Variants in GLRA3 observed in about 807,000 individuals in gnomAD.
The protein encoded by GLRA3 is glycine receptor subunit alpha-3.
Under a neutral mutation model 60.4 loss-of-function variants are expected in GLRA3, and 44 were observed. The ratio of observed to expected loss-of-function variants is 0.73; its 90% CI spans 0.57 to 0.94. GLRA3 has a LOEUF of 0.94. GLRA3 is among the 40% of genes least tolerant of loss of function. The pLI, the probability that GLRA3 is intolerant of heterozygous loss-of-function variation, is 0.00. For missense variants in GLRA3, 508 were observed against 564.6 expected (o/e 0.90, Z 1.02); for synonymous variants, 223 against 192.9 (o/e 1.16, Z -1.29).
At position 174,828,866 on chromosome 4, in the gene GLRA3, C is replaced by G. The variant is rs977471103; in HGVS notation, c.-55G>C. 1 of 1,156,248 alleles carries G rather than the reference C, an allele frequency of 8.6e-7. No individual in the cohort carries two copies. Among genetic ancestry groups the G allele is most frequent in the Non-Finnish European group, 1.3e-6 (1 of 762,142 alleles). The allele number at this position is 1,156,248 out of a possible 1,614,324, so 71.6% of individuals were successfully genotyped here. A position where few individuals can be genotyped will look rare whatever the true frequency, so the allele number is the denominator to read the frequency against. ...ATAGTCTTATCCAAGGCATGGGGAA[C>G]CAGAAAGACAGAATGAAAATGTACA... is the stretch of plus-strand genomic sequence containing the variant. On this transcript the variant is annotated 5_prime_UTR_variant, in exon 1 of 10. Coordinates refer to ENST00000274093, the MANE Select transcript of GLRA3 (RefSeq NM_006529.4).
chr4:174,688,361 ATATATAT>A (rs1734638303), intron 5 of GLRA3, among the ~76,000 whole-genome samples: 3 of 105,484 alleles, frequency 2.8e-5, no homozygotes, highest in Admixed American at 2.0e-4. Context: ...ATATATATAT[ATATATAT>A]TCATCAGGTT....
intron 1 of GLRA3, among the ~76,000 whole-genome samples, chr4:174,817,290 C>G (rs1038302373): frequency 6.6e-6 from 1 of 152,200 alleles, no homozygotes; most frequent in Non-Finnish European, 1.5e-5. Flanking sequence ...TATCTTCGAT[C>G]TCAAAGAAGC....
rs1225115129 is a variant in GLRA3 at position 174,639,167 on chromosome 4, G to C, written c.*4619C>G. On this transcript the variant is annotated 3_prime_UTR_variant, in exon 10 of 10. Transcript: ENST00000274093. ...TGTTAAGGGTTAAAGACTTGATCCA[G>C]TTAGCTTTGTTTATGTGTTTTTGAG... 1 of 152,142 alleles carries C rather than the reference G, an allele frequency of 6.6e-6. No homozygotes were observed. The highest frequency in any genetic ancestry group is 1.5e-5 in the Non-Finnish European group (1 of 68,006). The allele number at this position is 152,142 out of a possible 1,614,324, so 9.4% of individuals were successfully genotyped here. A position where few individuals can be genotyped will look rare whatever the true frequency, so the allele number is the denominator to read the frequency against.
chr4:174,712,693 T>G (rs1579490339), intron 5 of GLRA3: 1 of 152,162 alleles, frequency 6.6e-6, no homozygotes, highest in Non-Finnish European at 1.5e-5. Context: ...AAGTGGACCC[T>G]GGGATTCTGA....
intron 5 of GLRA3, among the ~76,000 whole-genome samples, chr4:174,684,842 T>C (rs899292073): frequency 1.1e-4 from 17 of 152,092 alleles, no homozygotes; most frequent in African/African-American, 3.9e-4. Flanking sequence ...AGCCCGTTTC[T>C]ACTAAAAAAC....
intron 2 of GLRA3, among the ~76,000 whole-genome samples, chr4:174,770,064 C>T (rs1215329256): frequency 2.0e-5 from 3 of 152,056 alleles, no homozygotes; most frequent in African/African-American, 7.2e-5. Context: ...TTTGAAGTTG[C>T]AATTTACATT....
At chr4:174,708,602 T>C (rs1413437402) in intron 5 of GLRA3, among the ~76,000 whole-genome samples, 2 of 91,380 alleles carry the variant, frequency 2.2e-5, no homozygotes, top group Admixed American at 2.0e-4. Flanking sequence ...ACTTTTACTC[T>C]TTTTTTTTTT....
chr4:174,727,952 A>C (rs1327458818), intron 4 of GLRA3, among the ~76,000 whole-genome samples: 1 of 152,186 alleles, frequency 6.6e-6, no homozygotes, highest in African/African-American at 2.4e-5. Context: ...AAGTTTATTA[A>C]CAAATCATCA....
At chr4:174,814,066 G>T (rs927238710) in intron 1 of GLRA3, among the ~76,000 whole-genome samples, 1 of 152,144 alleles carries the variant, frequency 6.6e-6, no homozygotes, top group Non-Finnish European at 1.5e-5. Context: ...ATCAAGGGGG[G>T]GTATCCATGA....
At chr4:174,654,097 A>G (rs1250617499) in intron 9 of GLRA3, among the ~76,000 whole-genome samples, 2 of 152,144 alleles carry the variant, frequency 1.3e-5, no homozygotes, top group Non-Finnish European at 2.9e-5. Flanking sequence ...GAAACACTTT[A>G]TCTATTTAAA....
intron 3 of GLRA3, among the ~76,000 whole-genome samples, chr4:174,742,401 T>G (rs1737063873): frequency 6.6e-6 from 1 of 152,192 alleles, no homozygotes; most frequent in African/African-American, 2.4e-5. Context: ...ACTCTGGTAC[T>G]AAAATTGTCA....
chr4:174,645,621 A>T (rs1052427547), intron 9 of GLRA3, among the ~76,000 whole-genome samples: 31 of 152,152 alleles, frequency 2.0e-4, no homozygotes, highest in Non-Finnish European at 3.5e-4. Flanking sequence ...CTGCAAAACA[A>T]AAGTATATGA....
chr4:174,700,134 GT>G (rs1212009758), intron 5 of GLRA3, among the ~76,000 whole-genome samples: 26 of 152,178 alleles, frequency 1.7e-4, no homozygotes, highest in African/African-American at 6.0e-4. Flanking sequence ...AGAAGATGAA[GT>G]TTTAATCACA....
At chr4:174,752,080 G>A (rs532010692) in intron 3 of GLRA3, among the ~76,000 whole-genome samples, 1 of 152,194 alleles carries the variant, frequency 6.6e-6, no homozygotes, top group South Asian at 2.1e-4. Context: ...GTGCATGGAT[G>A]AGGAATAGCA....
chr4:174,790,932 A>T (rs1739320712), intron 1 of GLRA3, among the ~76,000 whole-genome samples: 2 of 145,816 alleles, frequency 1.4e-5, no homozygotes, highest in Admixed American at 7.0e-5. Flanking sequence ...TGAACCTGGG[A>T]GGTGGGGCTT....
intron 3 of GLRA3, among the ~76,000 whole-genome samples, chr4:174,760,770 G>A (rs1464761094): frequency 6.6e-6 from 1 of 151,988 alleles, no homozygotes; most frequent in Non-Finnish European, 1.5e-5. Context: ...TCCGCCCTAT[G>A]CAATGATTTT....
In GLRA3 at chr4:174,790,850, AG is replaced by A. The variant is rs1486703626; in HGVS notation, c.72-1908del. Among the ~76,000 whole-genome samples, 1,052 of 146,566 alleles carry A rather than the reference AG, an allele frequency of 7.2e-3. 39 individuals are homozygous for A. Among genetic ancestry groups the A allele is most frequent in the African/African-American group, 0.025 (979 of 38,418 alleles). On this transcript the variant is annotated intron_variant, in intron 1 of 9. Coordinates refer to ENST00000274093, the MANE Select transcript of GLRA3 (RefSeq NM_006529.4). ...CAAAAAAAAAAAAAAAAAAAAAGAA[AG>A]AAATTAGCCGGGCGTAGTGGCGGGC...
At chr4:174,687,458 G>A (rs1734589678) in intron 5 of GLRA3, among the ~76,000 whole-genome samples, 5 of 152,120 alleles carry the variant, frequency 3.3e-5, no homozygotes, top group Admixed American at 3.3e-4. Context: ...GTTGCAAGCT[G>A]AACTAGCTTG....
chr4:174,789,010 T>C, intron 1 of GLRA3, 67 bp from the exon 2 acceptor site: 2 of 1,029,084 alleles, frequency 1.9e-6, no homozygotes, highest in Non-Finnish European at 2.8e-6. Context: ...TACCTACAAA[T>C]ATAAAATAGA....
Sources: gnomAD v4.1 joint callset for allele counts (sites outside exome capture counted in the v4.1 genomes callset) on GRCh38, gnomAD v4.1.1 for gene constraint, MANE v1.5 for transcripts, NCBI Gene and HGNC (gene_info 2026-07-23, HGNC 2026-07-21) for gene names.